PDK1: variants seen among roughly 807,000 people sequenced by gnomAD.
PDK1 encodes pyruvate dehydrogenase kinase 1.
In PDK1, 39 loss-of-function variants were observed where a neutral mutation model predicts 54.2. That is an observed-to-expected ratio of 0.72 (90% CI 0.56 to 0.94). The LOEUF (loss-of-function observed/expected upper bound fraction) is 0.94, where lower values mean the gene tolerates loss of function less well. Ranked by LOEUF, PDK1 falls within the 40% of genes least tolerant of loss-of-function variation. The pLI is 0.00. For synonymous variants in PDK1, 221 were observed against 207.1 expected (o/e 1.07, Z -0.58); for missense variants, 552 against 566.0 (o/e 0.98, Z 0.25).
the PDK1 span, chr2:172,723,256 T>C: frequency 6.6e-6 from 1 of 152,186 alleles, no homozygotes; most frequent in African/African-American, 2.4e-5. Flanking sequence ...AAGCTACATG[T>C]TCTTAGTTAT....
At chr2:172,638,132 A>G in the PDK1 span, among the ~76,000 whole-genome samples, 3 of 152,212 alleles carry the variant, frequency 2.0e-5, no homozygotes, top group African/African-American at 4.8e-5. Flanking sequence ...GCAACTGGTG[A>G]TCAACCAACC....
rs1486316848 is a variant in PDK1, at chr2:172,604,501, A to C, written c.*8532A>C. 1 of 152,158 alleles carries C rather than the reference A, an allele frequency of 6.6e-6. No homozygotes were observed. The highest frequency in any genetic ancestry group is 1.5e-5 in the Non-Finnish European group (1 of 67,996). The allele number at this position is 152,158 out of a possible 1,614,324, so 9.4% of individuals were successfully genotyped here. ...TTTTTAACTTACAAATTTTTTTAAA[A>C]AAACGTTTTTCCTCTCCAATGTTCA... On this transcript the variant is annotated 3_prime_UTR_variant, in exon 11 of 11. Coordinates refer to ENST00000282077, the MANE Select transcript of PDK1 (RefSeq NM_002610.5).
At chr2:172,660,890 C>T in the PDK1 span, among the ~76,000 whole-genome samples, 1 of 152,072 alleles carries the variant, frequency 6.6e-6, no homozygotes, top group South Asian at 2.1e-4. Flanking sequence ...CAGCTCTGGA[C>T]TTACCTGTCT....
intron 8 of PDK1, among the ~76,000 whole-genome samples, chr2:172,577,634 T>G (rs1689649965): frequency 6.6e-6 from 1 of 152,156 alleles, no homozygotes; most frequent in African/African-American, 2.4e-5. Flanking sequence ...GGGATTACAA[T>G]TAACACCTTA....
At chr2:172,646,754 T>TTTTTTTTTTTTTTTA in the PDK1 span, among the ~76,000 whole-genome samples, 2 of 145,888 alleles carry the variant, frequency 1.4e-5, no homozygotes, top group Admixed American at 6.9e-5. Flanking sequence ...TTTTTTTTTT[T>TTTTTTTTTTTTTTTA]GAGATAGAGT....
At chr2:172,649,129 C>T in the PDK1 span, among the ~76,000 whole-genome samples, 19 of 152,292 alleles carry the variant, frequency 1.2e-4, no homozygotes, top group Admixed American at 1.0e-3. Flanking sequence ...CCCTCTGAGA[C>T]GAAGCTTCCA....
chr2:172,628,897 C>T, the PDK1 span, among the ~76,000 whole-genome samples: 1 of 152,086 alleles, frequency 6.6e-6, no homozygotes, highest in African/African-American at 2.4e-5. Flanking sequence ...GTTGGGAGGA[C>T]TTCTTGAGCC....
chr2:172,694,543 A>G, the PDK1 span, among the ~76,000 whole-genome samples: 1 of 151,916 alleles, frequency 6.6e-6, no homozygotes, highest in Non-Finnish European at 1.5e-5. Context: ...TTCTTCCTAC[A>G]TCTCAAGGAT....
chr2:172,680,574 A>G, the PDK1 span, among the ~76,000 whole-genome samples: 6 of 152,042 alleles, frequency 3.9e-5, no homozygotes, highest in African/African-American at 1.2e-4. Flanking sequence ...AGCTATGTTG[A>G]CCAGGCTGGT....
At chr2:172,722,513 A>G in the PDK1 span, among the ~76,000 whole-genome samples, 1 of 152,228 alleles carries the variant, frequency 6.6e-6, no homozygotes, top group East Asian at 1.9e-4. Flanking sequence ...TCAGAAAAAT[A>G]TATTTTCCAA....
At chr2:172,572,012 A>G (rs971266051) in intron 8 of PDK1, among the ~76,000 whole-genome samples, 2 of 151,616 alleles carry the variant, frequency 1.3e-5, no homozygotes, top group African/African-American at 2.4e-5. Context: ...TTTGTATTTT[A>G]GTAGAGACAG....
At position 172,564,684 on chromosome 2, in the gene PDK1, C is replaced by A; in HGVS notation, c.592C>A (p.His198Asn). The A allele has an allele frequency of 6.2e-7, 1 of 1,610,728 alleles. No homozygotes were observed. ...TTCAATTAGAATGTTACTCAATCAG[C>A]ACTGTAAGTGTCCCTCATGAGTCAA... is the stretch of plus-strand genomic sequence containing the variant. ...RISIRMLLNQ[H>N]SLLFGGKGKG... Residue 198 changes from histidine (H) to asparagine (N), a missense_variant, in exon 4 of 11, where the codon CAC becomes AAC. Coordinates refer to ENST00000282077, the MANE Select transcript of PDK1 (RefSeq NM_002610.5).
At chr2:172,644,997 C>G in the PDK1 span, among the ~76,000 whole-genome samples, 1 of 152,082 alleles carries the variant, frequency 6.6e-6, no homozygotes, top group African/African-American at 2.4e-5. Context: ...AGTACATAGG[C>G]TTGTTGTGAG....
the PDK1 span, among the ~76,000 whole-genome samples, chr2:172,676,743 T>C: frequency 2.0e-5 from 3 of 152,234 alleles, no homozygotes; most frequent in African/African-American, 4.8e-5. Context: ...TTTGAGAGGA[T>C]TGGCTCCAAT....
chr2:172,621,825 A>G, the PDK1 span, among the ~76,000 whole-genome samples: 1 of 123,418 alleles, frequency 8.1e-6, no homozygotes, highest in African/African-American at 2.8e-5. Context: ...TGTATGATAT[A>G]TGTTTATATC....
the PDK1 span, among the ~76,000 whole-genome samples, chr2:172,633,082 G>A: frequency 6.7e-6 from 1 of 149,576 alleles, no homozygotes; most frequent in African/African-American, 2.5e-5. Flanking sequence ...TCACCCTGTT[G>A]CCCAGGCTGG....
the PDK1 span, among the ~76,000 whole-genome samples, chr2:172,699,109 T>A: frequency 6.6e-6 from 1 of 152,228 alleles, no homozygotes; most frequent in Admixed American, 6.5e-5. Flanking sequence ...CTATTGTTAG[T>A]CAAATATTAA....
intron 8 of PDK1, among the ~76,000 whole-genome samples, chr2:172,581,344 G>A (rs993490541): frequency 9.9e-5 from 15 of 152,154 alleles, no homozygotes; most frequent in South Asian, 2.1e-4. Flanking sequence ...GTCTGCCTCC[G>A]CCTCCCAAAG....
At chr2:172,686,078 C>T in the PDK1 span, among the ~76,000 whole-genome samples, 3 of 152,188 alleles carry the variant, frequency 2.0e-5, no homozygotes, top group East Asian at 3.8e-4. Flanking sequence ...AGTTTCACCA[C>T]TGAAGTGCTA....
Sources: allele counts gnomAD v4.1 joint callset (sites outside exome capture counted in the v4.1 genomes callset), GRCh38; gene constraint gnomAD v4.1.1; transcripts MANE v1.5; gene names NCBI Gene and HGNC (gene_info 2026-07-23, HGNC 2026-07-21).